MLLT6: variants seen among roughly 807,000 people sequenced by gnomAD.
MLLT6 encodes the protein MLLT6, PHD finger containing, also known as protein AF-17.
A neutral mutation model predicts 103.0 loss-of-function variants in MLLT6; 22 were observed. The observed-to-expected ratio is 0.21, with a 90% CI of 0.15 to 0.31. MLLT6 has a LOEUF of 0.31. MLLT6 is among the 10% of genes least tolerant of loss of function. The probability of loss-of-function intolerance (pLI) is 1.00; values close to 1 mark genes in which losing one functional copy is unlikely to be tolerated. For synonymous variants in MLLT6, 606 were observed against 623.5 expected (o/e 0.97, Z 0.42); for missense variants, 1,199 against 1,441.7 (o/e 0.83, Z 2.73).
chr17:38,712,092 T>A lies in MLLT6; in HGVS notation c.720+78T>A, dbSNP rs919667221. On this transcript the variant is annotated intron_variant, in intron 7 of 19. Coordinates refer to ENST00000621332, the MANE Select transcript of MLLT6 (RefSeq NM_005937.4). The stretch of plus-strand genomic sequence containing the variant: ...ACAAACATGGCTCAAAAAGCCATCA[T>A]GAGGTGCCCTTAAGGTCTTGGCCCT... 6 of 1,447,442 alleles carry A rather than the reference T, an allele frequency of 4.1e-6. No individual in the cohort carries two copies. The African/African-American group carries it at 7.2e-5, about 17-fold the overall frequency. The allele number at this position is 1,447,442 out of a possible 1,614,324, so 89.7% of individuals were successfully genotyped here.
chr17:38,715,715 T>C lies in MLLT6; in HGVS notation c.923T>C (p.Leu308Pro). 1.2e-6 allele frequency: 2 copies of C among 1,614,180 alleles called. No homozygotes were observed. The highest frequency in any genetic ancestry group is 1.7e-6 in the Non-Finnish European group (2 of 1,180,030). ...SKGKKSSSHSLSHKGKKLSSG... is the reference protein window; with the variant it reads ...SKGKKSSSHSPSHKGKKLSSG... ...GGGAAAAAGTCTTCCAGCCATAGCC[T>C]GAGTCATAAAGGGAAGAAACTGAGC... The change falls in exon 9 of 20, where the codon CTG (leucine) becomes CCG (proline). Residue 308 changes from leucine to proline, a missense_variant. Leu to Pro is a moderately conservative substitution (Grantham distance 98). Coordinates refer to ENST00000621332, the MANE Select transcript of MLLT6 (RefSeq NM_005937.4).
chr17:38,713,105 G>T (rs1190264635), intron 8 of MLLT6: 4 of 734,182 alleles, frequency 5.4e-6, no homozygotes, highest in Non-Finnish European at 1.0e-5. Context: ...TGCTCTCCAA[G>T]TTCTAGGGCC....
rs151146551 is a variant in MLLT6, at chr17:38,715,408, C to T, written c.820-204C>T. 6 of 766,424 alleles carry T rather than the reference C, an allele frequency of 7.8e-6. No homozygotes were observed. The South Asian group carries it at 1.2e-4, about 15-fold the overall frequency. The allele number at this position is 766,424 out of a possible 1,614,324, so 47.5% of individuals were successfully genotyped here. ...TTGGGTTCAGTGAATTCCCCTCTGCCTTACACCCAGGAGTGCCACAGCTGC... is the reference window on the plus strand; with the variant it reads ...TTGGGTTCAGTGAATTCCCCTCTGCTTTACACCCAGGAGTGCCACAGCTGC... On this transcript the variant is annotated intron_variant, in intron 8 of 19. Coordinates refer to ENST00000621332, the MANE Select transcript of MLLT6 (RefSeq NM_005937.4).
chr17:38,707,950 A>G, intron 4 of MLLT6, 78 bp downstream of exon 4: 1 of 947,792 alleles, frequency 1.1e-6, no homozygotes, highest in Non-Finnish European at 1.7e-6. Context: ...CATCCGGTGT[A>G]ATTTGATTCT....
chr17:38,724,738 C>G lies in MLLT6; in HGVS notation c.3002C>G (p.Ser1001Cys). The G allele has an allele frequency of 1.2e-6, 2 of 1,611,252 alleles. No individual in the cohort carries two copies. The highest frequency in any genetic ancestry group is 1.1e-5 in the South Asian group (1 of 90,676). Reference sequence around the variant, plus strand: ...ATGGCCAGCCTGCTGGCAGGAAGCTCCACCCCGCTGCTGTCTGCGGGTACC... The same window carrying G: ...ATGGCCAGCCTGCTGGCAGGAAGCTGCACCCCGCTGCTGTCTGCGGGTACC... ...LPMASLLAGS[S>C]TPLLSAGTPG... The change falls in exon 19 of 20, where the codon TCC becomes TGC. Residue 1001 changes from serine to cysteine, a missense_variant. Coordinates refer to ENST00000621332, the MANE Select transcript of MLLT6 (RefSeq NM_005937.4). This position sits in a 1 kb window ranked among gnomAD's most constrained non-coding sequence, Gnocchi z 5.4.
chr17:38,711,074 G>A (rs1299731413), intron 6 of MLLT6, among the ~76,000 whole-genome samples: 1 of 152,198 alleles, frequency 6.6e-6, no homozygotes, highest in Non-Finnish European at 1.5e-5. Flanking sequence ...TAGGAGCTGT[G>A]TCCAACACTG....
rs1904844985 is a variant in MLLT6, at chr17:38,705,342, G to A, written c.-291G>A. ...GGGCGGCCCTAGGAGCCGGGCGAGC[G>A]GCGCGGAGGGGGCGAGCCCGGCGTG... On this transcript the variant is annotated 5_prime_UTR_variant, in exon 1 of 20. Coordinates refer to ENST00000621332, the MANE Select transcript of MLLT6 (RefSeq NM_005937.4). 1.3e-5 allele frequency among the ~76,000 whole-genome samples: 2 copies of A among 148,434 alleles called. No homozygotes were observed. Among genetic ancestry groups the A allele is most frequent in the Admixed American group, 6.7e-5 (1 of 15,022 alleles).
chr17:38,720,228 C>T, intron 14 of MLLT6, 144 bp from the exon 15 acceptor site: 3 of 842,278 alleles, frequency 3.6e-6, no homozygotes, highest in Admixed American at 2.7e-5. Context: ...CGCCTCTCTT[C>T]TCAGAGCTCA....
chr17:38,719,859 C>G lies in MLLT6; in HGVS notation c.2119C>G (p.Leu707Val). Residue 707 changes from leucine to valine, a missense_variant, in exon 14 of 20, where the codon CTG becomes GTG. Physicochemically the swap from Leu to Val is conservative, Grantham distance 32. Coordinates refer to ENST00000621332, the MANE Select transcript of MLLT6 (RefSeq NM_005937.4). ...AGGGACGACTAACATGGAGCAGCTT[C>G]TGGAGAAGCAGGGCGACGGGGAGGC... ...APGTTNMEQL[L>V]EKQGDGEAGV... 6.2e-7 allele frequency: 1 copy of G among 1,608,206 alleles called. No individual in the cohort carries two copies.
chr17:38,722,000 T>C lies in MLLT6; in HGVS notation c.2565T>C (p.Pro855=). The C allele has an allele frequency of 6.7e-7, 1 of 1,486,800 alleles. No individual in the cohort carries two copies. Among genetic ancestry groups the C allele is most frequent in the Non-Finnish European group, 8.9e-7 (1 of 1,118,886 alleles). 92.1% of individuals were successfully genotyped at this position (1,486,800 alleles called of 1,614,324 possible). A position where few individuals can be genotyped will look rare whatever the true frequency, so the allele number is the denominator to read the frequency against. Residue 855 remains proline (P), a synonymous_variant, in exon 17 of 20, where the codon CCT becomes CCC. Transcript: ENST00000621332. ...TGCCCCTGGCCCTGCCTGGGGCCCC[T>C]GCCCCACTCCCGCCCCAGCCGCAGA... is the stretch of plus-strand genomic sequence containing the variant. ...ATLPLALPGA[P]APLPPQPQNG... is the part of the protein sequence containing the mutation.
Position 38,728,041 on chromosome 17 carries a change from G to T in MLLT6, c.*2443G>T, listed in dbSNP as rs1431837912. 8.6e-6 allele frequency: 2 copies of T among 233,220 alleles called. No individual in the cohort carries two copies. Among genetic ancestry groups the T allele is most frequent in the Non-Finnish European group, 8.5e-6 (1 of 118,042 alleles). 14.4% of individuals were successfully genotyped at this position (233,220 alleles called of 1,614,324 possible). On this transcript the variant is annotated 3_prime_UTR_variant, in exon 20 of 20. Transcript: ENST00000621332. ...CTCCCTCAGCCCAAACCAAAGGCTG[G>T]GGTTCTCATCTCCAAGTGGCTGTTC...
chr17:38,716,336 C>T lies in MLLT6; in HGVS notation c.1037-31C>T, dbSNP rs926325809. ...GGGAGGGAGTGCGGGGATCTGGGGTCCAGCTGTAACTGTTTCCCCTCTGTG... is the reference window on the plus strand; with the variant it reads ...GGGAGGGAGTGCGGGGATCTGGGGTTCAGCTGTAACTGTTTCCCCTCTGTG... On this transcript the variant is annotated intron_variant, in intron 9 of 19. Coordinates refer to ENST00000621332, the MANE Select transcript of MLLT6 (RefSeq NM_005937.4). The surrounding 1 kb of genome is among the most constrained non-coding windows in gnomAD (Gnocchi z 5.6). 5 of 1,588,750 alleles carry T rather than the reference C, an allele frequency of 3.1e-6. No homozygotes were observed. In the Admixed American group the frequency reaches 5.8e-5, roughly 19 times the overall value.
rs572498425 is a variant in MLLT6 at position 38,727,478 on chromosome 17, G to A, written c.*1880G>A. ...TATTCTTCTTAATCTATTAAGCTGT[G>A]TAACTCCCTGCCCCAAACCACTGAA... On this transcript the variant is annotated 3_prime_UTR_variant, in exon 20 of 20. Transcript: ENST00000621332. The A allele has an allele frequency of 3.7e-5, 8 of 217,374 alleles. No individual in the cohort carries two copies. The highest frequency in any genetic ancestry group is 6.5e-5 in the Non-Finnish European group (7 of 108,104). 13.5% of individuals were successfully genotyped at this position (217,374 alleles called of 1,614,324 possible).
At chr17:38,720,120 C>T (rs1905625214) in intron 14 of MLLT6, 2 of 723,478 alleles carry the variant, frequency 2.8e-6, no homozygotes, top group East Asian at 5.4e-5. Context: ...CCCGACCTTA[C>T]CAAACCGCAA....
intron 9 of MLLT6, 69 bp downstream of exon 9, chr17:38,715,897 G>A (rs746442451): frequency 1.5e-6 from 2 of 1,364,490 alleles, no homozygotes; most frequent in Admixed American, 2.2e-5. Context: ...TTCTGGCAAG[G>A]GACTTTGCAT....
chr17:38,721,087 A>G lies in MLLT6; in HGVS notation c.2442+340A>G, dbSNP rs554947023. The G allele has an allele frequency of 2.7e-5, 11 of 412,484 alleles. No homozygotes were observed. The East Asian group carries it at 4.5e-4, about 17-fold the overall frequency. The allele number at this position is 412,484 out of a possible 1,614,324, so 25.6% of individuals were successfully genotyped here. The stretch of plus-strand genomic sequence containing the variant: ...GGGGGAGGGCTGCTTCTGTGGATAG[A>G]AAGTGGTTAGGGAAGGCCTCTTTGA... On this transcript the variant is annotated intron_variant, in intron 16 of 19. Transcript: ENST00000621332.
chr17:38,721,741 C>T (rs1734037507), intron 16 of MLLT6, 137 bp from the exon 17 acceptor site: 6 of 563,100 alleles, frequency 1.1e-5, no homozygotes, highest in South Asian at 2.4e-5. Flanking sequence ...CCCTCATCCC[C>T]GGACCTTGCT....
intron 13 of MLLT6, 57 bp downstream of exon 13, chr17:38,719,640 GGA>G: frequency 6.4e-7 from 1 of 1,568,606 alleles, no homozygotes. Flanking sequence ...ACCCGAGGGA[GGA>G]GGGACGGAGA....
chr17:38,719,898 G>T lies in MLLT6; in HGVS notation c.2155+3G>T. 6.4e-7 allele frequency: 1 copy of T among 1,573,224 alleles called. No homozygotes were observed. ...CGACGGGGAGGCCGGCGTCAACAGT[G>T]AGGAGGGGTGGCGCCGGTCGGGACG... is the stretch of plus-strand genomic sequence containing the variant. On this transcript the variant is annotated splice_donor_region_variant and intron_variant, in intron 14 of 19. Transcript: ENST00000621332.
Sources: allele counts gnomAD v4.1 joint callset (sites outside exome capture counted in the v4.1 genomes callset), GRCh38; gene constraint gnomAD v4.1.1; non-coding constraint Gnocchi (gnomAD v3.1); transcripts MANE v1.5; gene names NCBI Gene and HGNC (gene_info 2026-07-23, HGNC 2026-07-21).